Variants in ZNF804A observed in about 807,000 individuals in gnomAD.
The protein encoded by ZNF804A is zinc finger protein 804A.
A neutral mutation model predicts 16.5 loss-of-function variants in ZNF804A; 2 were observed. That is an observed-to-expected ratio of 0.12 (90% CI 0.05 to 0.38). The LOEUF (loss-of-function observed/expected upper bound fraction) is 0.38, where lower values mean the gene tolerates loss of function less well. Ranked by LOEUF, ZNF804A falls within the 10% of genes least tolerant of loss-of-function variation. The probability of loss-of-function intolerance (pLI) is 0.99; values close to 1 mark genes in which losing one functional copy is unlikely to be tolerated. For missense variants in ZNF804A, 1,473 were observed against 1,390.7 expected (o/e 1.06, Z -0.94); for synonymous variants, 534 against 489.6 (o/e 1.09, Z -1.20).
At chr2:184,820,399 T>C (rs1000983641) in intron 1 of ZNF804A, among the ~76,000 whole-genome samples, 6 of 152,060 alleles carry the variant, frequency 3.9e-5, no homozygotes, top group African/African-American at 1.4e-4. Context: ...ATGAACTAGG[T>C]ATTGAAGGAA....
chr2:184,777,872 G>A (rs1034167921), intron 1 of ZNF804A, among the ~76,000 whole-genome samples: 13 of 151,584 alleles, frequency 8.6e-5, no homozygotes, highest in African/African-American at 3.1e-4. Context: ...CAACACTATA[G>A]GAGTGATTTT....
At chr2:184,752,304 A>C (rs555416625) in intron 1 of ZNF804A, among the ~76,000 whole-genome samples, 2 of 151,728 alleles carry the variant, frequency 1.3e-5, no homozygotes, top group Admixed American at 1.3e-4. Flanking sequence ...CAGCGACAAA[A>C]ATAATAAAAT....
At chr2:184,900,987 A>G (rs1216028091) in intron 2 of ZNF804A, among the ~76,000 whole-genome samples, 1 of 152,088 alleles carries the variant, frequency 6.6e-6, no homozygotes, top group African/African-American at 2.4e-5. Flanking sequence ...TCTTGTAGAG[A>G]TTATTTATTA....
At chr2:184,718,225 T>C (rs1282133010) in intron 1 of ZNF804A, among the ~76,000 whole-genome samples, 1 of 141,618 alleles carries the variant, frequency 7.1e-6, no homozygotes, top group Non-Finnish European at 1.6e-5. Flanking sequence ...ACTCATTCAC[T>C]GTCAGAAGAA....
chr2:184,797,856 G>T (rs1478272362), intron 1 of ZNF804A, among the ~76,000 whole-genome samples: 1 of 151,994 alleles, frequency 6.6e-6, no homozygotes, highest in African/African-American at 2.4e-5. Context: ...TCCAGGATGC[G>T]TTTCAAGATT....
chr2:184,861,391 G>A (rs995278647), intron 1 of ZNF804A, among the ~76,000 whole-genome samples: 2 of 152,138 alleles, frequency 1.3e-5, no homozygotes, highest in Admixed American at 1.3e-4. Flanking sequence ...TTTTGTGTGT[G>A]AATAGTTGTT....
chr2:184,613,810 C>A (rs1206449513), intron 1 of ZNF804A, among the ~76,000 whole-genome samples: 2 of 152,098 alleles, frequency 1.3e-5, no homozygotes, highest in African/African-American at 4.8e-5. Context: ...GAAAAATATT[C>A]CATATTCATG....
At chr2:184,798,062 G>A (rs1694664446) in intron 1 of ZNF804A, among the ~76,000 whole-genome samples, 1 of 140,174 alleles carries the variant, frequency 7.1e-6, no homozygotes, top group Admixed American at 7.3e-5. Context: ...GTGAAGATAG[G>A]GCCCCAATCC....
chr2:184,641,130 T>C (rs761351408), intron 1 of ZNF804A, among the ~76,000 whole-genome samples: 15 of 152,108 alleles, frequency 9.9e-5, no homozygotes, highest in Admixed American at 3.9e-4. Flanking sequence ...AATATTTGTA[T>C]TTTTGGTAGA....
At chr2:184,854,395 A>G (rs80268465) in intron 1 of ZNF804A, among the ~76,000 whole-genome samples, 24,373 of 151,574 alleles carry the variant, frequency 0.16, 2,468 homozygotes, top group South Asian at 0.23. Context: ...TAATAAAATG[A>G]TATGCATGCA....
In ZNF804A at chr2:184,813,993, C is replaced by CTTTTTTT. The variant is rs1163432699; in HGVS notation, c.112-52354_112-52348dup. On this transcript the variant is annotated intron_variant, in intron 1 of 3. Coordinates refer to ENST00000302277, the MANE Select transcript of ZNF804A (RefSeq NM_194250.2). Reference sequence around the variant, plus strand: ...TTTAGGGCATGTTTGAGAAAGGCAGCTTTTTTTTTTTTTTTTTTTTTTTTT... The same window carrying CTTTTTTT: ...TTTAGGGCATGTTTGAGAAAGGCAGCTTTTTTTTTTTTTTTTTTTTTTTTTTTTTTTT... 4.9e-4 allele frequency among the ~76,000 whole-genome samples: 24 copies of CTTTTTTT among 49,192 alleles called. 4 individuals carry two copies. Among genetic ancestry groups the CTTTTTTT allele is most frequent in the East Asian group, 3.6e-3 (5 of 1,370 alleles). The allele number at this position is 49,192 out of a possible 152,430, so 32.3% of individuals were successfully genotyped here.
In ZNF804A at chr2:184,937,151, C is replaced by T. The variant is rs1441187994; in HGVS notation, c.1755C>T (p.Thr585=). Residue 585 remains threonine (T), a synonymous_variant, in exon 4 of 4, where the codon ACC becomes ACT. Transcript: ENST00000302277. ...ACAACAAAATAAGGTTGAAAGAGAC[C>T]CATGAATACTGGTTCCATAAAAGTA... ...EKYNKIRLKE[T]HEYWFHKSRR... 6.2e-7 allele frequency: 1 copy of T among 1,602,742 alleles called. No individual in the cohort carries two copies. Among genetic ancestry groups the T allele is most frequent in the Non-Finnish European group, 8.5e-7 (1 of 1,177,256 alleles).
chr2:184,665,334 C>T (rs1397882705), intron 1 of ZNF804A, among the ~76,000 whole-genome samples: 1 of 152,112 alleles, frequency 6.6e-6, no homozygotes, highest in Non-Finnish European at 1.5e-5. Context: ...GACACCATCC[C>T]TTATGGAATT....
intron 2 of ZNF804A, among the ~76,000 whole-genome samples, chr2:184,874,922 T>TA (rs1199820013): frequency 6.6e-6 from 1 of 152,180 alleles, no homozygotes; most frequent in Non-Finnish European, 1.5e-5. Flanking sequence ...CACTAATAGT[T>TA]AAATTATTAT....
intron 1 of ZNF804A, among the ~76,000 whole-genome samples, chr2:184,792,142 G>A (rs531345458): frequency 1.5e-4 from 23 of 152,248 alleles, no homozygotes; most frequent in African/African-American, 5.3e-4. Flanking sequence ...GCAAGCTTTT[G>A]TACGGGCTTA....
chr2:184,633,887 G>T (rs571482063), intron 1 of ZNF804A, among the ~76,000 whole-genome samples: 1 of 152,182 alleles, frequency 6.6e-6, no homozygotes, highest in Non-Finnish European at 1.5e-5. Context: ...ATATGTTTTT[G>T]TAAAAATCTG....
chr2:184,721,674 G>A (rs2105742626), intron 1 of ZNF804A, among the ~76,000 whole-genome samples: 1 of 152,164 alleles, frequency 6.6e-6, no homozygotes, highest in South Asian at 2.1e-4. Flanking sequence ...AGAATAGCAT[G>A]TAGTTTTCTC....
chr2:184,926,187 T>C (rs1252978771), intron 2 of ZNF804A, among the ~76,000 whole-genome samples: 1 of 152,106 alleles, frequency 6.6e-6, no homozygotes, highest in Non-Finnish European at 1.5e-5. Flanking sequence ...TGGGACAATC[T>C]GCTATTGATG....
chr2:184,817,632 C>A (rs1231436362), intron 1 of ZNF804A, among the ~76,000 whole-genome samples: 1 of 151,828 alleles, frequency 6.6e-6, no homozygotes, highest in African/African-American at 2.4e-5. Flanking sequence ...CATATTGTAA[C>A]CCAATGCAAG....
Sources: gnomAD v4.1 joint callset for allele counts (sites outside exome capture counted in the v4.1 genomes callset) on GRCh38, gnomAD v4.1.1 for gene constraint, MANE v1.5 for transcripts, NCBI Gene and HGNC (gene_info 2026-07-23, HGNC 2026-07-21) for gene names.